NCSTN: variants seen among roughly 807,000 people sequenced by gnomAD.
NCSTN encodes nicastrin, also known as anterior pharynx-defective 2.
Under a neutral mutation model 87.0 loss-of-function variants are expected in NCSTN, and 22 were observed. That is an observed-to-expected ratio of 0.25 (90% CI 0.18 to 0.36). The LOEUF is 0.36. Ranked by LOEUF, NCSTN falls within the 10% of genes least tolerant of loss-of-function variation. NCSTN has a pLI of 1.00. For synonymous variants in NCSTN, 306 were observed against 327.1 expected (o/e 0.94, Z 0.69); for missense variants, 693 against 883.3 (o/e 0.78, Z 2.73).
chr1:160,355,901 G>A lies in NCSTN; in HGVS notation c.1494G>A (p.Leu498=), dbSNP rs1649105576. 2 of 1,614,098 alleles carry A rather than the reference G, an allele frequency of 1.2e-6. No individual in the cohort carries two copies. The highest frequency in any genetic ancestry group is 2.2e-5 in the East Asian group (1 of 44,900). Residue 498 remains leucine, a synonymous_variant, in exon 13 of 17, where the codon CTG becomes CTA. Transcript: ENST00000294785. Reference sequence around the variant, plus strand: ...TGGCCACGGTGCTGGGACGTGCTCTGTATGAGCTTGCAGGAGGAACCAACT... The same window carrying A: ...TGGCCACGGTGCTGGGACGTGCTCTATATGAGCTTGCAGGAGGAACCAACT... ...ADVATVLGRA[L]YELAGGTNFS... is the part of the protein sequence containing the mutation.
Position 160,354,282 on chromosome 1 carries a change from C to G in NCSTN, c.1344C>G (p.Phe448Leu). 1 of 1,614,130 alleles carries G rather than the reference C, an allele frequency of 6.2e-7. No homozygotes were observed. The highest frequency in any genetic ancestry group is 8.5e-7 in the Non-Finnish European group (1 of 1,180,008). Residue 448 changes from phenylalanine (F) to leucine (L), a missense_variant, in exon 11 of 17, where the codon TTC (phenylalanine) becomes TTG (leucine). Coordinates refer to ENST00000294785, the MANE Select transcript of NCSTN (RefSeq NM_015331.3). ...TTCTGGCTGACCACTCTGGTGCCTT[C>G]CATAACAAGTAAGAATCACTTGGCC... is the stretch of plus-strand genomic sequence containing the variant. ...GVVLADHSGAFHNKYYQSIYD... is the reference protein window; with the variant it reads ...GVVLADHSGALHNKYYQSIYD...
intron 10 of NCSTN, 135 bp downstream of exon 10, chr1:160,353,372 G>T: frequency 8.4e-6 from 13 of 1,548,736 alleles, no homozygotes; most frequent in Non-Finnish European, 1.1e-5. Flanking sequence ...GTTGGCCAAA[G>T]GATGAACACC....
At chr1:160,345,813 C>T (rs575052210) in intron 2 of NCSTN, among the ~76,000 whole-genome samples, 86 of 151,356 alleles carry the variant, frequency 5.7e-4, no homozygotes, top group Middle Eastern at 3.4e-3. Flanking sequence ...CTATGGCATG[C>T]CTGTAGTCCT....
chr1:160,356,940 A>G (rs957493783), intron 15 of NCSTN, 101 bp from the exon 16 acceptor site: 19 of 1,377,770 alleles, frequency 1.4e-5, no homozygotes, highest in Admixed American at 1.7e-5. Flanking sequence ...GACAGCAGCC[A>G]GTTAGCTCAA....
intron 2 of NCSTN, 150 bp downstream of exon 2, chr1:160,344,976 A>G: frequency 5.5e-6 from 4 of 733,450 alleles, no homozygotes; most frequent in Non-Finnish European, 4.8e-6. Context: ...GCTAGGCAAG[A>G]TAATTAATAA....
rs556639456 is a variant in NCSTN at position 160,350,279 on chromosome 1, C to A, written c.582+29C>A. 6.8e-6 allele frequency: 11 copies of A among 1,611,846 alleles called. No homozygotes were observed. The Admixed American group carries it at 8.3e-5, about 12-fold the overall frequency. On this transcript the variant is annotated intron_variant, in intron 5 of 16. Coordinates refer to ENST00000294785, the MANE Select transcript of NCSTN (RefSeq NM_015331.3). The stretch of plus-strand genomic sequence containing the variant: ...ATGACACTGCCAGCTCCTAGCAATT[C>A]CAGTTAGAAAGAAGATTATTTTTCT...
At position 160,352,971 on chromosome 1, in the gene NCSTN, T is replaced by G. The variant is rs1439781320; in HGVS notation, c.1081T>G (p.Ser361Ala). Residue 361 changes from serine to alanine, a missense_variant, in exon 9 of 17, where the codon TCA becomes GCA. Transcript: ENST00000294785. ...TCCCGTGCAGTTAGAGAATGTTGACTCATTTGTGGAGCTGGGACAGGTATG... is the reference window on the plus strand; with the variant it reads ...TCCCGTGCAGTTAGAGAATGTTGACGCATTTGTGGAGCTGGGACAGGTATG... ...KFPVQLENVD[S>A]FVELGQVALR... is the part of the protein sequence containing the mutation. 1 of 1,613,932 alleles carries G rather than the reference T, an allele frequency of 6.2e-7. No homozygotes were observed. Among genetic ancestry groups the G allele is most frequent in the African/African-American group, 1.3e-5 (1 of 74,902 alleles).
intron 6 of NCSTN, 117 bp downstream of exon 6, chr1:160,351,489 C>G (rs1483498546): frequency 5.1e-6 from 7 of 1,375,480 alleles, no homozygotes; most frequent in Non-Finnish European, 6.1e-6. Flanking sequence ...TGAAGGAGCT[C>G]TGCATGGGAG....
Position 160,358,446 on chromosome 1 carries a change from C to A in NCSTN, c.*175C>A. On this transcript the variant is annotated 3_prime_UTR_variant, in exon 17 of 17. Transcript: ENST00000294785. Reference sequence around the variant, plus strand: ...CAGGGAGAAATAAATAAATTGCCTCCCTTCCTCCGCTCCCCTTTCCCATCA... The same window carrying A: ...CAGGGAGAAATAAATAAATTGCCTCACTTCCTCCGCTCCCCTTTCCCATCA... 2.5e-6 allele frequency: 2 copies of A among 798,768 alleles called. No homozygotes were observed. Among genetic ancestry groups the A allele is most frequent in the Non-Finnish European group, 4.1e-6 (2 of 484,148 alleles). 49.5% of individuals were successfully genotyped at this position (798,768 alleles called of 1,614,324 possible).
chr1:160,355,957 C>T lies in NCSTN; in HGVS notation c.1550C>T (p.Thr517Met), dbSNP rs769698945. The T allele has an allele frequency of 7.4e-6, 12 of 1,611,478 alleles. No homozygotes were observed. Among genetic ancestry groups the T allele is most frequent in the African/African-American group, 1.3e-5 (1 of 74,860 alleles). ...GACACAGTTCAGGCTGATCCCCAAA[C>T]GGTAAGCAGATGGGCCCTAGCTCCT... ...FSDTVQADPQTVTRLLYGFLI... is the reference protein window; with the variant it reads ...FSDTVQADPQMVTRLLYGFLI... The change falls in exon 13 of 17, where the codon ACG becomes ATG. Residue 517 changes from threonine to methionine, a missense_variant and splice_region_variant. Around this residue, in one of 4 missense-constraint regions of NCSTN, gnomAD observed 216 missense variants for 311.7 expected, o/e 0.69. Coordinates refer to ENST00000294785, the MANE Select transcript of NCSTN (RefSeq NM_015331.3).
chr1:160,357,769 A>G (rs995476136), intron 16 of NCSTN, among the ~76,000 whole-genome samples: 2 of 152,218 alleles, frequency 1.3e-5, no homozygotes. Context: ...TGTGGATCCC[A>G]GAACTCTTTC....
rs34676243 is a variant in NCSTN, at chr1:160,349,009, T to C, written c.201T>C (p.Ser67=). 4,244 of 1,614,178 alleles carry C rather than the reference T, an allele frequency of 2.6e-3. 84 individuals carry two copies. The African/African-American group carries it at 0.049, about 19-fold the overall frequency. Residue 67 remains serine (S), a synonymous_variant, in exon 3 of 17, where the codon AGT becomes AGC. Coordinates refer to ENST00000294785, the MANE Select transcript of NCSTN (RefSeq NM_015331.3). ...ATTCTGTCCTGGCAGCTTCAATTAG[T>C]GGAGACACAGGGGTTATCCACGTAG... is the stretch of plus-strand genomic sequence containing the variant. ...THQIGCQSSI[S]GDTGVIHVVE...
chr1:160,346,792 A>C (rs1648516988), intron 2 of NCSTN, among the ~76,000 whole-genome samples: 1 of 151,976 alleles, frequency 6.6e-6, no homozygotes, highest in Non-Finnish European at 1.5e-5. Flanking sequence ...TCTTTAGTAG[A>C]GGCGGGGCTT....
chr1:160,348,891 C>T lies in NCSTN; in HGVS notation c.191-108C>T, dbSNP rs757746967. The stretch of plus-strand genomic sequence containing the variant: ...AAATCTAGAGGTGCCTGTATTCACC[C>T]AAATATGTTGTGACATCTTTAGGGG... On this transcript the variant is annotated intron_variant, in intron 2 of 16. Coordinates refer to ENST00000294785, the MANE Select transcript of NCSTN (RefSeq NM_015331.3). 809 of 1,508,372 alleles carry T rather than the reference C, an allele frequency of 5.4e-4. 1 individual carries two copies. Among genetic ancestry groups the T allele is most frequent in the Non-Finnish European group, 6.2e-4 (679 of 1,086,930 alleles). The allele number at this position is 1,508,372 out of a possible 1,614,324, so 93.4% of individuals were successfully genotyped here.
rs147495275 is a variant in NCSTN, at chr1:160,348,229, C to T, written c.191-770C>T. Among the ~76,000 whole-genome samples the T allele has an allele frequency of 7.0e-4, 106 of 152,350 alleles. 1 individual carries two copies. Among genetic ancestry groups the T allele is most frequent in the African/African-American group, 2.4e-3 (98 of 41,588 alleles). ...TGTAGAATTCAAAGTATTCTGGACT[C>T]TGGGTCATCCATCCTCTAATACAGT... On this transcript the variant is annotated intron_variant, in intron 2 of 16. Transcript: ENST00000294785.
chr1:160,351,191 C>CT (rs1267797509), intron 5 of NCSTN, 31 bp from the exon 6 acceptor site: 1 of 1,613,560 alleles, frequency 6.2e-7, no homozygotes, highest in Non-Finnish European at 8.5e-7. Flanking sequence ...CACAAACTAG[C>CT]TGTCTCAGTG....
chr1:160,351,904 A>G lies in NCSTN; in HGVS notation c.843+99A>G. 2.0e-6 allele frequency: 3 copies of G among 1,468,810 alleles called. No individual in the cohort carries two copies. The South Asian group carries it at 3.4e-5, about 17-fold the overall frequency. 91.0% of individuals were successfully genotyped at this position (1,468,810 alleles called of 1,614,324 possible). A position where few individuals can be genotyped will look rare whatever the true frequency, so the allele number is the denominator to read the frequency against. The stretch of plus-strand genomic sequence containing the variant: ...AGATTTCAAAGTTGCTAAATTGGGA[A>G]GCCTCAAATGGGGAGGAATCTGGGC... On this transcript the variant is annotated intron_variant, in intron 7 of 16. Transcript: ENST00000294785.
At chr1:160,355,604 G>A in intron 11 of NCSTN, 51 bp from the exon 12 acceptor site, 1 of 1,368,860 alleles carries the variant, frequency 7.3e-7, no homozygotes, top group East Asian at 2.3e-5. Context: ...GGAGGAAAGG[G>A]GCAGAGCCCT....
intron 8 of NCSTN, among the ~76,000 whole-genome samples, 199 bp from the exon 9 acceptor site, chr1:160,352,688 T>C (rs1208054642): frequency 1.3e-5 from 2 of 152,214 alleles, no homozygotes; most frequent in Non-Finnish European, 2.9e-5. Flanking sequence ...TTCAGAAGTC[T>C]TGTAATACAT....
Sources: allele counts gnomAD v4.1 joint callset (sites outside exome capture counted in the v4.1 genomes callset), GRCh38; gene constraint gnomAD v4.1.1; regional missense constraint gnomAD v4.1.1; transcripts MANE v1.5; gene names NCBI Gene and HGNC (gene_info 2026-07-23, HGNC 2026-07-21).